The following TSHZ2 variants were observed in gnomAD, a reference collection of about 807,000 sequenced individuals.
The protein encoded by TSHZ2 is teashirt homolog 2.
TSHZ2 carries 21 observed loss-of-function variants against 74.4 expected under a neutral mutation model. That is an observed-to-expected ratio of 0.28 (90% confidence interval 0.20 to 0.41). TSHZ2 has a LOEUF of 0.41. Among genes scored for constraint, TSHZ2 ranks in the 10% least tolerant of loss-of-function variants. The pLI, the probability that TSHZ2 is intolerant of heterozygous loss-of-function variation, is 1.00. For missense variants in TSHZ2, 1,244 were observed against 1,293.5 expected, an observed-to-expected ratio of 0.96 and a Z score of 0.59; for synonymous variants, 540 against 515.3, an observed-to-expected ratio of 1.05 and a Z score of -0.65.
At chr20:53,425,993 C>T (rs972511539) in intron 2 of TSHZ2, among the ~76,000 whole-genome samples, 7 of 152,096 alleles carry the variant, frequency 4.6e-5, no homozygotes, top group Non-Finnish European at 1.0e-4. Flanking sequence ...AAATTACCCT[C>T]GATATTGGGA....
intron 1 of TSHZ2, among the ~76,000 whole-genome samples, chr20:53,211,674 G>A (rs370092910): frequency 2.4e-4 from 37 of 152,236 alleles, no homozygotes; most frequent in Middle Eastern, 3.4e-3. Flanking sequence ...CAATTATGCC[G>A]CTGCATTCCG....
chr20:53,125,032 C>G (rs929603325), intron 1 of TSHZ2, among the ~76,000 whole-genome samples: 3 of 152,094 alleles, frequency 2.0e-5, no homozygotes, highest in Admixed American at 6.5e-5. Context: ...CAGGCAGTGA[C>G]CTGGATTTGG....
chr20:53,472,076 A>G (rs1238472417), intron 2 of TSHZ2, among the ~76,000 whole-genome samples: 1 of 152,138 alleles, frequency 6.6e-6, no homozygotes, highest in Admixed American at 6.5e-5. Context: ...AAGTGCTGGG[A>G]CTACAGGTGT....
At chr20:53,444,934 G>T (rs545171284) in intron 2 of TSHZ2, among the ~76,000 whole-genome samples, 12 of 152,304 alleles carry the variant, frequency 7.9e-5, no homozygotes, top group African/African-American at 2.2e-4. Context: ...AGCTCTGAAT[G>T]AATTGCATGT....
chr20:53,353,239 A>AT (rs1980723623), intron 2 of TSHZ2, among the ~76,000 whole-genome samples: 1 of 152,182 alleles, frequency 6.6e-6, no homozygotes, highest in South Asian at 2.1e-4. Context: ...GTGACTGCAT[A>AT]GCAAACACCC....
At chr20:53,166,337 G>A (rs1330315344) in intron 1 of TSHZ2, among the ~76,000 whole-genome samples, 1 of 152,152 alleles carries the variant, frequency 6.6e-6, no homozygotes, top group Non-Finnish European at 1.5e-5. Context: ...GCGAATTTGG[G>A]CTGGGCATGA....
At chr20:53,357,184 T>C (rs2145596827) in intron 2 of TSHZ2, among the ~76,000 whole-genome samples, 1 of 152,344 alleles carries the variant, frequency 6.6e-6, no homozygotes, top group East Asian at 1.9e-4. Flanking sequence ...TAGGAGAACT[T>C]TTAATAATCA....
At chr20:53,367,695 C>T (rs539563830) in intron 2 of TSHZ2, among the ~76,000 whole-genome samples, 3 of 151,996 alleles carry the variant, frequency 2.0e-5, no homozygotes, top group East Asian at 3.9e-4. Context: ...CTCAGCCTCC[C>T]GAGGAGCTGG....
chr20:53,117,004 G>C (rs544832285), intron 1 of TSHZ2, among the ~76,000 whole-genome samples: 6 of 152,198 alleles, frequency 3.9e-5, no homozygotes, highest in African/African-American at 1.4e-4. Context: ...TGAGAGTAGG[G>C]TGGAGGATGG....
At chr20:53,160,630 A>G (rs1294380470) in intron 1 of TSHZ2, among the ~76,000 whole-genome samples, 1 of 151,364 alleles carries the variant, frequency 6.6e-6, no homozygotes. Context: ...TTAACTTGGC[A>G]TGGTGGTGCA....
intron 1 of TSHZ2, among the ~76,000 whole-genome samples, chr20:53,132,538 C>A (rs1318683661): frequency 6.6e-6 from 1 of 152,140 alleles, no homozygotes; most frequent in African/African-American, 2.4e-5. Flanking sequence ...CCTCAGCCTC[C>A]CAGAGTGCTG....
At chr20:53,152,827 A>G (rs1373178803) in intron 1 of TSHZ2, among the ~76,000 whole-genome samples, 1 of 152,216 alleles carries the variant, frequency 6.6e-6, no homozygotes, top group Non-Finnish European at 1.5e-5. Context: ...ACTACAGCAG[A>G]GAGGGAGAGA....
At chr20:53,323,018 G>A (rs1979332874) in intron 2 of TSHZ2, among the ~76,000 whole-genome samples, 1 of 152,150 alleles carries the variant, frequency 6.6e-6, no homozygotes, top group South Asian at 2.1e-4. Context: ...TGGGACTAAG[G>A]GACTTACTGA....
chr20:53,121,261 C>T (rs75651900), intron 1 of TSHZ2, among the ~76,000 whole-genome samples: 2,028 of 152,058 alleles, frequency 0.013, 35 homozygotes, highest in African/African-American at 0.037. Flanking sequence ...AATTGTCTTC[C>T]TTTAGAACTC....
At chr20:53,210,781 A>C (rs1042804509) in intron 1 of TSHZ2, among the ~76,000 whole-genome samples, 1 of 152,098 alleles carries the variant, frequency 6.6e-6, no homozygotes, top group Non-Finnish European at 1.5e-5. Context: ...TCTCCTGTCC[A>C]TATCAATAAG....
intron 1 of TSHZ2, among the ~76,000 whole-genome samples, chr20:53,091,873 G>A (rs1057404059): frequency 2.0e-5 from 3 of 152,088 alleles, no homozygotes; most frequent in Non-Finnish European, 2.9e-5. Flanking sequence ...ACAAGAGCCT[G>A]TCTCTACTAA....
chr20:53,290,023 G>T (rs1991250757), intron 2 of TSHZ2, among the ~76,000 whole-genome samples: 1 of 152,212 alleles, frequency 6.6e-6, no homozygotes, highest in Admixed American at 6.5e-5. Context: ...TTTTAATTCA[G>T]AGGATTAGTT....
At chr20:52,986,774 A>T (rs553391446) in intron 1 of TSHZ2, among the ~76,000 whole-genome samples, 59 of 152,376 alleles carry the variant, frequency 3.9e-4, no homozygotes, top group Middle Eastern at 3.4e-3. Context: ...TCTGATTACC[A>T]TCAATGTATG....
chr20:52,999,512 A>C (rs182021262), intron 1 of TSHZ2, among the ~76,000 whole-genome samples: 6 of 152,360 alleles, frequency 3.9e-5, no homozygotes, highest in Admixed American at 3.9e-4. Flanking sequence ...GCATCGGTTG[A>C]TGACTGACTG....
Sources: gnomAD v4.1 joint callset for allele counts (sites outside exome capture counted in the v4.1 genomes callset) on GRCh38, gnomAD v4.1.1 for gene constraint, MANE v1.5 for transcripts, NCBI Gene and HGNC (gene_info 2026-07-23, HGNC 2026-07-21) for gene names.